The following CACNA2D4 variants were observed in gnomAD, a reference collection of about 807,000 sequenced individuals.
CACNA2D4 encodes voltage-dependent calcium channel subunit alpha-2/delta-4.
CACNA2D4 carries 157 observed loss-of-function variants against 163.8 expected under a neutral mutation model. The ratio of observed to expected loss-of-function variants is 0.96; its 90% CI spans 0.84 to 1.09. CACNA2D4 has a LOEUF of 1.09. Among genes scored for constraint, CACNA2D4 ranks in the 50% least tolerant of loss-of-function variants. The probability of loss-of-function intolerance (pLI) is 0.00; values close to 1 mark genes in which losing one functional copy is unlikely to be tolerated. For synonymous variants in CACNA2D4, 598 were observed against 586.9 expected (o/e 1.02, Z -0.27); for missense variants, 1,410 against 1,479.9 (o/e 0.95, Z 0.78).
At chr12:1,905,110 A>T (rs967415551) in intron 6 of CACNA2D4, among the ~76,000 whole-genome samples, 28 of 152,122 alleles carry the variant, frequency 1.8e-4, no homozygotes, top group Admixed American at 1.8e-3. Context: ...AATGAAGGGA[A>T]AAAATTCCAT....
intron 23 of CACNA2D4, among the ~76,000 whole-genome samples, chr12:1,849,526 G>A (rs1477166815): frequency 6.6e-6 from 1 of 152,126 alleles, no homozygotes; most frequent in African/African-American, 2.4e-5. Flanking sequence ...TATATGGCTA[G>A]GTTTAGCTGT....
At position 1,878,224 on chromosome 12, in the gene CACNA2D4, C is replaced by G; in HGVS notation, c.1719+91G>C. 7.1e-7 allele frequency: 1 copy of G among 1,415,820 alleles called. No homozygotes were observed. Among genetic ancestry groups the G allele is most frequent in the Non-Finnish European group, 9.8e-7 (1 of 1,023,680 alleles). The allele number at this position is 1,415,820 out of a possible 1,614,324, so 87.7% of individuals were successfully genotyped here. ...TACCCACTGGGTTCCTAAATGGAGC[C>G]CAATGTGTGTTTGTTGTTTTAATCG... On this transcript the variant is annotated intron_variant, in intron 16 of 37. Coordinates refer to ENST00000382722, the MANE Select transcript of CACNA2D4 (RefSeq NM_172364.5). The surrounding 1 kb of genome is among the most constrained non-coding windows in gnomAD (Gnocchi z 4.6).
At chr12:1,813,426 C>T (rs1863774514) in intron 26 of CACNA2D4, among the ~76,000 whole-genome samples, 1 of 152,226 alleles carries the variant, frequency 6.6e-6, no homozygotes, top group African/African-American at 2.4e-5. Flanking sequence ...AGATGGCCTA[C>T]ATCTGTGCTG....
Position 1,834,214 on chromosome 12 carries a change from G to C in CACNA2D4, c.2551+6525C>G. ...TTGGGGAGCTGGGGATGGGGAGAGG[G>C]AGTGCAAGTTCTAGATGCCTGGTCA... On this transcript the variant is annotated intron_variant, in intron 26 of 37. Coordinates refer to ENST00000382722, the MANE Select transcript of CACNA2D4 (RefSeq NM_172364.5). This position sits in a 1 kb window ranked among gnomAD's most constrained non-coding sequence, Gnocchi z 7.6. 2 of 1,511,982 alleles carry C rather than the reference G, an allele frequency of 1.3e-6. No homozygotes were observed. Among genetic ancestry groups the C allele is most frequent in the South Asian group, 2.7e-5 (2 of 75,064 alleles). The allele number at this position is 1,511,982 out of a possible 1,614,324, so 93.7% of individuals were successfully genotyped here.
At chr12:1,817,601 A>G (rs1043731644) in intron 26 of CACNA2D4, among the ~76,000 whole-genome samples, 1 of 152,198 alleles carries the variant, frequency 6.6e-6, no homozygotes, top group South Asian at 2.1e-4. Context: ...CTCCTGCCTC[A>G]GCCTGCCAAG....
chr12:1,915,645 A>AG (rs1230227950), intron 1 of CACNA2D4, among the ~76,000 whole-genome samples: 6 of 152,204 alleles, frequency 3.9e-5, no homozygotes, highest in African/African-American at 1.4e-4. Context: ...GCAGGCCAGG[A>AG]GGGCATAAGG....
At chr12:1,912,893 G>A (rs559276266) in intron 3 of CACNA2D4, 130 bp downstream of exon 3, 4 of 629,752 alleles carry the variant, frequency 6.4e-6, no homozygotes, top group East Asian at 2.7e-5. Context: ...AAGGTACAAG[G>A]CGGAATCTTG....
intron 23 of CACNA2D4, among the ~76,000 whole-genome samples, chr12:1,847,230 G>A (rs116678074): frequency 2.0e-5 from 3 of 152,314 alleles, no homozygotes; most frequent in East Asian, 1.9e-4. Flanking sequence ...GCTAGTTGGC[G>A]TCACATATCT....
At chr12:1,793,964 T>C (rs1440130026) in intron 37 of CACNA2D4, among the ~76,000 whole-genome samples, 1 of 152,168 alleles carries the variant, frequency 6.6e-6, no homozygotes, top group Non-Finnish European at 1.5e-5. Flanking sequence ...GGCACCGGCC[T>C]TCTCTGCTTG....
rs574479852 is a variant in CACNA2D4, at chr12:1,828,969, A to G, written c.2551+11770T>C. ...GGCAGGGAGGAAACGGTCCCGCGGG[A>G]CGGCATTCCGCCTGACTTCCCGCTC... On this transcript the variant is annotated intron_variant, in intron 26 of 37. Coordinates refer to ENST00000382722, the MANE Select transcript of CACNA2D4 (RefSeq NM_172364.5). This position sits in a 1 kb window ranked among gnomAD's most constrained non-coding sequence, Gnocchi z 4.2. Among the ~76,000 whole-genome samples the G allele has an allele frequency of 6.6e-6, 1 of 152,232 alleles. No individual in the cohort carries two copies. The highest frequency in any genetic ancestry group is 2.1e-4 in the South Asian group (1 of 4,824).
intron 26 of CACNA2D4, among the ~76,000 whole-genome samples, chr12:1,821,067 G>A (rs1200858099): frequency 3.3e-5 from 5 of 152,232 alleles, no homozygotes; most frequent in East Asian, 3.8e-4. Flanking sequence ...GGGAAGTGGG[G>A]AGGAGGGCAG....
At position 1,838,934 on chromosome 12, in the gene CACNA2D4, C is replaced by G. The variant is rs191696142; in HGVS notation, c.2551+1805G>C. On this transcript the variant is annotated intron_variant, in intron 26 of 37. Coordinates refer to ENST00000382722, the MANE Select transcript of CACNA2D4 (RefSeq NM_172364.5). The stretch of plus-strand genomic sequence containing the variant: ...GGCCCAGGGAAGCACGGCAGCCAGG[C>G]GGGCACAAATCCCTTCCAAGTGCTG... 9.2e-5 allele frequency among the ~76,000 whole-genome samples: 14 copies of G among 152,314 alleles called. No homozygotes were observed. The East Asian group carries it at 2.3e-3, about 25-fold the overall frequency.
chr12:1,813,720 A>G (rs1592664737), intron 26 of CACNA2D4, among the ~76,000 whole-genome samples: 1 of 152,052 alleles, frequency 6.6e-6, no homozygotes, highest in Non-Finnish European at 1.5e-5. Context: ...GTCCTGTGAT[A>G]TGGGAACATT....
chr12:1,879,960 G>A (rs1256886876), intron 13 of CACNA2D4, 79 bp from the exon 14 acceptor site: 1 of 890,510 alleles, frequency 1.1e-6, no homozygotes, highest in African/African-American at 1.7e-5. Context: ...ACCCAGTGCG[G>A]AGAACCCACA....
intron 23 of CACNA2D4, among the ~76,000 whole-genome samples, chr12:1,850,995 T>G (rs1865266041): frequency 6.6e-6 from 1 of 152,182 alleles, no homozygotes; most frequent in Admixed American, 6.5e-5. Flanking sequence ...TGATCCTCCC[T>G]GAGCAGCTGA....
At chr12:1,827,868 C>G (rs1257864248) in intron 26 of CACNA2D4, 1 of 379,224 alleles carries the variant, frequency 2.6e-6, no homozygotes, top group Non-Finnish European at 4.7e-6. Context: ...GACCCTCGGG[C>G]TCCTGGAAAG....
chr12:1,912,030 G>A (rs182015782), intron 3 of CACNA2D4, among the ~76,000 whole-genome samples: 1 of 152,308 alleles, frequency 6.6e-6, no homozygotes, highest in Non-Finnish European at 1.5e-5. Flanking sequence ...ATAACAAGTG[G>A]GAAAGAAGGC....
intron 29 of CACNA2D4, 90 bp downstream of exon 29, chr12:1,810,188 C>A: frequency 4.6e-6 from 5 of 1,091,836 alleles, no homozygotes; most frequent in Non-Finnish European, 7.0e-6. Context: ...CTCCTGGGGC[C>A]GTGGGGCTCT....
At chr12:1,872,972 G>A (rs1022562253) in intron 18 of CACNA2D4, among the ~76,000 whole-genome samples, 2 of 152,174 alleles carry the variant, frequency 1.3e-5, no homozygotes, top group South Asian at 2.1e-4. Flanking sequence ...CAGTGGTTAC[G>A]AATGGGAGAT....
Sources: gnomAD v4.1 joint callset for allele counts (sites outside exome capture counted in the v4.1 genomes callset) on GRCh38, gnomAD v4.1.1 for gene constraint, Gnocchi (gnomAD v3.1) non-coding constraint, MANE v1.5 for transcripts, NCBI Gene and HGNC (gene_info 2026-07-23, HGNC 2026-07-21) for gene names.